Variants in JAK1 observed in about 807,000 individuals in gnomAD.
The protein encoded by JAK1 is Janus kinase 1, also known as tyrosine-protein kinase JAK1.
JAK1 carries 16 observed loss-of-function variants against 136.6 expected under a neutral mutation model. The ratio of observed to expected loss-of-function variants is 0.12; its 90% CI spans 0.08 to 0.18. The LOEUF is 0.18. Among genes scored for constraint, JAK1 ranks in the 10% least tolerant of loss-of-function variants. The pLI is 1.00. For missense variants in JAK1, 859 were observed against 1,450.1 expected (o/e 0.59, Z 6.62); for synonymous variants, 492 against 519.5 (o/e 0.95, Z 0.72).
intron 2 of JAK1, among the ~76,000 whole-genome samples, chr1:65,001,434 C>G (rs1441657744): frequency 6.6e-6 from 1 of 152,176 alleles, no homozygotes; most frequent in Non-Finnish European, 1.5e-5. Context: ...ATTTCCTCTG[C>G]TCGCCTTCCC....
intron 7 of JAK1, among the ~76,000 whole-genome samples, chr1:64,865,689 C>T (rs2780885): frequency 0.35 from 52,578 of 152,026 alleles, 10,673 homozygotes; most frequent in African/African-American, 0.57. Context: ...ACAGAAAACC[C>T]TCAGTAAGTA....
At chr1:64,950,427 AT>A (rs1177084357) in intron 1 of JAK1, among the ~76,000 whole-genome samples, 3 of 152,144 alleles carry the variant, frequency 2.0e-5, no homozygotes, top group Non-Finnish European at 2.9e-5. Flanking sequence ...AAAAGTCAAC[AT>A]TAAAGAAAGC....
At chr1:64,964,413 C>T (rs930121060) in intron 1 of JAK1, among the ~76,000 whole-genome samples, 3 of 152,226 alleles carry the variant, frequency 2.0e-5, no homozygotes, top group Non-Finnish European at 4.4e-5. Context: ...TCAACCTACA[C>T]GTTCTCAATG....
At chr1:64,880,645 G>A (rs181750783) in intron 3 of JAK1, among the ~76,000 whole-genome samples, 1 of 152,318 alleles carries the variant, frequency 6.6e-6, no homozygotes, top group East Asian at 1.9e-4. Flanking sequence ...AGGGCTAAGT[G>A]TCAGGCATCA....
At chr1:64,928,162 G>A (rs761067845) in intron 1 of JAK1, among the ~76,000 whole-genome samples, 2 of 152,174 alleles carry the variant, frequency 1.3e-5, no homozygotes, top group Non-Finnish European at 1.5e-5. Flanking sequence ...TGGGGTGAAA[G>A]CATTCTATGC....
intron 2 of JAK1, among the ~76,000 whole-genome samples, chr1:64,997,176 A>G (rs1366160369): frequency 6.6e-6 from 1 of 152,240 alleles, no homozygotes; most frequent in African/African-American, 2.4e-5. Context: ...CTATGCCTCA[A>G]GTAATTTCTA....
At chr1:64,857,567 G>A in intron 10 of JAK1, 89 bp downstream of exon 10, 1 of 1,534,870 alleles carries the variant, frequency 6.5e-7, no homozygotes, top group African/African-American at 1.4e-5. Context: ...CCCTGCCAAG[G>A]GTGGTTCTGT....
chr1:65,046,674 G>A (rs1295948931), intron 1 of JAK1, among the ~76,000 whole-genome samples: 1 of 151,824 alleles, frequency 6.6e-6, no homozygotes, highest in Non-Finnish European at 1.5e-5. Context: ...AGGTAGGCTG[G>A]TTCAAATAGC....
upstream of JAK1, among the ~76,000 whole-genome samples, chr1:64,970,096 C>T (rs1004288281): frequency 1.7e-5 from 2 of 119,930 alleles, no homozygotes; most frequent in Admixed American, 1.2e-4. Context: ...TATGGTGCCA[C>T]TGCACTGAAG....
In JAK1 at chr1:64,873,576, G is replaced by A. The variant is rs537302120; in HGVS notation, c.330-53C>T. 8 of 1,608,494 alleles carry A rather than the reference G, an allele frequency of 5.0e-6. No individual in the cohort carries two copies. In the East Asian group the frequency reaches 1.6e-4, roughly 31 times the overall value. On this transcript the variant is annotated intron_variant, in intron 4 of 24. Transcript: ENST00000342505. ...TGTGGCAAAGGGGACCCAGATGTGGGCAGGGCGTCCTGGCTCACCAACAGT... is the reference window on the plus strand; with the variant it reads ...TGTGGCAAAGGGGACCCAGATGTGGACAGGGCGTCCTGGCTCACCAACAGT...
chr1:64,977,454 C>CTT (rs60862617), intron 2 of JAK1, among the ~76,000 whole-genome samples: 12,290 of 141,422 alleles, frequency 0.087, 1,082 homozygotes, highest in East Asian at 0.27. Context: ...ACCCAGCCAT[C>CTT]TTTTTTTTTT....
upstream of JAK1, among the ~76,000 whole-genome samples, chr1:64,968,496 T>C (rs1041636038): frequency 5.3e-5 from 8 of 152,034 alleles, no homozygotes; most frequent in South Asian, 1.2e-3. Flanking sequence ...CAGGCAGTAA[T>C]AGTATATGCT....
chr1:64,878,880 C>T (rs1037037454), intron 4 of JAK1, 145 bp downstream of exon 4: 11 of 670,806 alleles, frequency 1.6e-5, no homozygotes, highest in Non-Finnish European at 2.6e-5. Flanking sequence ...CTGAAGAAGT[C>T]CTTTCTCACA....
intron 1 of JAK1, among the ~76,000 whole-genome samples, chr1:64,888,978 C>T (rs1477044850): frequency 6.6e-6 from 1 of 152,222 alleles, no homozygotes; most frequent in Non-Finnish European, 1.5e-5. Flanking sequence ...AAACCTAAGG[C>T]TGCTGATCCA....
In JAK1 at chr1:65,013,394, T is replaced by TA. The variant is rs1389944702; in HGVS notation, c.-78+31085dup. On this transcript the variant is annotated intron_variant, in intron 2 of 25. Coordinates refer to the JAK1 transcript ENST00000671954. The stretch of plus-strand genomic sequence containing the variant: ...CTGGGCAACAGAGCAAGACTCTGTC[T>TA]AAAAAAAAAAAAACAAAAAAAACAA... 4.9e-3 allele frequency among the ~76,000 whole-genome samples: 564 copies of TA among 115,130 alleles called. 1 individual carries two copies. The highest frequency in any genetic ancestry group is 5.4e-3 in the Non-Finnish European group (291 of 54,276). 75.5% of individuals were successfully genotyped at this position (115,130 alleles called of 152,430 possible). A position where few individuals can be genotyped will look rare whatever the true frequency, so the allele number is the denominator to read the frequency against.
rs1022247523 is a variant in JAK1 at position 64,833,578 on chromosome 1, A to C, written c.*984T>G. 1 of 232,886 alleles carries C rather than the reference A, an allele frequency of 4.3e-6. No homozygotes were observed. Among genetic ancestry groups the C allele is most frequent in the Non-Finnish European group, 8.5e-6 (1 of 117,872 alleles). 14.4% of individuals were successfully genotyped at this position (232,886 alleles called of 1,614,324 possible). A position where few individuals can be genotyped will look rare whatever the true frequency, so the allele number is the denominator to read the frequency against. ...ATAGTGCCTCTAGCCGGGTCTTTCA[A>C]GTGTTGCACCACAGGGTGATGATTG... On this transcript the variant is annotated 3_prime_UTR_variant, in exon 25 of 25. Transcript: ENST00000342505.
chr1:64,834,549 T>C lies in JAK1; in HGVS notation c.*13A>G. On this transcript the variant is annotated 3_prime_UTR_variant, in exon 25 of 25. Coordinates refer to ENST00000342505, the MANE Select transcript of JAK1 (RefSeq NM_002227.4). Reference sequence around the variant, plus strand: ...CTTGATAATCTGTGGAATTTAAATGTTATTCATGCTTCTTATTTTAAAAGT... The same window carrying C: ...CTTGATAATCTGTGGAATTTAAATGCTATTCATGCTTCTTATTTTAAAAGT... The C allele has an allele frequency of 2.6e-6, 4 of 1,522,776 alleles. No homozygotes were observed. The highest frequency in any genetic ancestry group is 3.6e-6 in the Non-Finnish European group (4 of 1,099,212). The allele number at this position is 1,522,776 out of a possible 1,614,324, so 94.3% of individuals were successfully genotyped here.
At chr1:64,886,384 T>G (rs1002323138) in intron 1 of JAK1, 43 bp from the exon 2 acceptor site, 1 of 1,175,148 alleles carries the variant, frequency 8.5e-7, no homozygotes. Context: ...CAGAGGTAAT[T>G]GCATCTGAAA....
chr1:64,889,887 A>G (rs1570714631), intron 1 of JAK1, among the ~76,000 whole-genome samples: 1 of 152,364 alleles, frequency 6.6e-6, no homozygotes, highest in East Asian at 1.9e-4. Context: ...CCACTGCCAG[A>G]TTTTTACCGT....
Sources: allele counts gnomAD v4.1 joint callset (sites outside exome capture counted in the v4.1 genomes callset), GRCh38; gene constraint gnomAD v4.1.1; transcripts MANE v1.5; gene names NCBI Gene and HGNC (gene_info 2026-07-23, HGNC 2026-07-21).